SLC44A5: variants seen among roughly 807,000 people sequenced by gnomAD.
SLC44A5 encodes the protein choline transporter-like protein 5.
In SLC44A5, 57 loss-of-function variants were observed where a neutral mutation model predicts 101.8. That is an observed-to-expected ratio of 0.56 (90% CI 0.45 to 0.70). SLC44A5 has a LOEUF of 0.70. Ranked by LOEUF, SLC44A5 falls within the 30% of genes least tolerant of loss-of-function variation. The pLI, the probability that SLC44A5 is intolerant of heterozygous loss-of-function variation, is 0.00. For missense variants in SLC44A5, 737 were observed against 853.1 expected (o/e 0.86, Z 1.70); for synonymous variants, 281 against 290.9 (o/e 0.97, Z 0.35).
chr1:75,325,441 A>G (rs139399806), intron 4 of SLC44A5, among the ~76,000 whole-genome samples: 11 of 152,156 alleles, frequency 7.2e-5, no homozygotes, highest in African/African-American at 2.4e-4. Context: ...AGATTTTTAT[A>G]TATACATATA....
intron 2 of SLC44A5, among the ~76,000 whole-genome samples, chr1:75,470,050 A>T (rs1667022831): frequency 6.6e-6 from 1 of 152,032 alleles, no homozygotes; most frequent in South Asian, 2.1e-4. Flanking sequence ...TTTATCACCA[A>T]CCTTTCTATT....
chr1:75,343,746 T>C (rs1241742281), intron 3 of SLC44A5, among the ~76,000 whole-genome samples: 1 of 152,120 alleles, frequency 6.6e-6, no homozygotes, highest in Admixed American at 6.6e-5. Flanking sequence ...TATACAACAA[T>C]AGCCAGCAGA....
chr1:75,483,595 A>G (rs1667991147), intron 2 of SLC44A5, among the ~76,000 whole-genome samples: 1 of 152,046 alleles, frequency 6.6e-6, no homozygotes, highest in African/African-American at 2.4e-5. Context: ...ATAAGAAATT[A>G]TTCTTTATTT....
At chr1:75,670,576 T>A in the SLC44A5 span, among the ~76,000 whole-genome samples, 1 of 152,206 alleles carries the variant, frequency 6.6e-6, no homozygotes, top group Non-Finnish European at 1.5e-5. Flanking sequence ...TGTAATGGCT[T>A]AAAGTGGAAT....
intron 22 of SLC44A5, among the ~76,000 whole-genome samples, chr1:75,213,036 AC>A (rs1357325538): frequency 1.3e-5 from 2 of 152,240 alleles, no homozygotes; most frequent in Middle Eastern, 3.4e-3. Context: ...GATGCAGCAT[AC>A]AAAGGTCCAG....
At chr1:75,530,680 C>G (rs1183255730) in intron 2 of SLC44A5, among the ~76,000 whole-genome samples, 1 of 152,162 alleles carries the variant, frequency 6.6e-6, no homozygotes, top group East Asian at 1.9e-4. Flanking sequence ...TACCTCCCGA[C>G]TTTACTTTTA....
At chr1:75,441,526 G>GA (rs1665199637) in intron 2 of SLC44A5, among the ~76,000 whole-genome samples, 1 of 151,200 alleles carries the variant, frequency 6.6e-6, no homozygotes, top group Admixed American at 6.6e-5. Context: ...GGCCAAAGGT[G>GA]AAAAAACAGT....
At chr1:75,718,559 G>A in the SLC44A5 span, among the ~76,000 whole-genome samples, 1,201 of 152,254 alleles carry the variant, frequency 7.9e-3, 4 homozygotes, top group Non-Finnish European at 0.013. Context: ...ACACTCTAAC[G>A]GGGATAGCAG....
At chr1:75,637,059 C>G in the SLC44A5 span, among the ~76,000 whole-genome samples, 1 of 151,932 alleles carries the variant, frequency 6.6e-6, no homozygotes, top group Non-Finnish European at 1.5e-5. Context: ...CGAAATATGG[C>G]TAGCATAACT....
At chr1:75,507,319 C>G (rs1466433825) in intron 2 of SLC44A5, among the ~76,000 whole-genome samples, 1 of 152,014 alleles carries the variant, frequency 6.6e-6, no homozygotes, top group Non-Finnish European at 1.5e-5. Flanking sequence ...ATGGTTGTTG[C>G]TTTTATTTCC....
chr1:75,227,035 T>C (rs1271899175), intron 13 of SLC44A5, among the ~76,000 whole-genome samples: 1 of 152,212 alleles, frequency 6.6e-6, no homozygotes, highest in Non-Finnish European at 1.5e-5. Flanking sequence ...TTGTTGCTTG[T>C]TTTTCCTTTT....
the SLC44A5 span, among the ~76,000 whole-genome samples, chr1:75,717,211 C>T: frequency 1.3e-5 from 2 of 151,530 alleles, no homozygotes; most frequent in East Asian, 3.9e-4. Context: ...CGCTGTGGCT[C>T]ATGCCTGTAA....
chr1:75,360,228 C>CA lies in SLC44A5; in HGVS notation c.53-20599dup, dbSNP rs200204762. On this transcript the variant is annotated intron_variant, in intron 3 of 23. Coordinates refer to ENST00000370859, the MANE Select transcript of SLC44A5 (RefSeq NM_001130058.2). ...GTTGGCTATATTTTTGGGTTCATAT[C>CA]AAAAAAATCCATGACCAGACAAGTG... Among the ~76,000 whole-genome samples, 35 of 152,138 alleles carry CA rather than the reference C, an allele frequency of 2.3e-4. No homozygotes were observed. The Middle Eastern group carries it at 0.01, about 44-fold the overall frequency.
chr1:75,540,511 A>C (rs1199445008), intron 2 of SLC44A5, among the ~76,000 whole-genome samples: 1 of 152,218 alleles, frequency 6.6e-6, no homozygotes, highest in African/African-American at 2.4e-5. Flanking sequence ...ATGTATTTGC[A>C]GCCTTGAGGA....
intron 6 of SLC44A5, among the ~76,000 whole-genome samples, chr1:75,262,422 C>A (rs1650601899): frequency 6.6e-6 from 1 of 152,146 alleles, no homozygotes; most frequent in African/African-American, 2.4e-5. Flanking sequence ...ATCCAACTTA[C>A]AAGGGATGTG....
At chr1:75,660,903 C>A in the SLC44A5 span, among the ~76,000 whole-genome samples, 2 of 151,778 alleles carry the variant, frequency 1.3e-5, no homozygotes, top group Admixed American at 1.3e-4. Context: ...AATGTCCATA[C>A]TTTGTAGACC....
Position 75,474,738 on chromosome 1 carries a change from C to A in SLC44A5, c.13+66697G>T, listed in dbSNP as rs145545613. Among the ~76,000 whole-genome samples, 27 of 152,304 alleles carry A rather than the reference C, an allele frequency of 1.8e-4. 1 individual carries two copies. The East Asian group carries it at 5.2e-3, about 29-fold the overall frequency. ...TAGTAAAATTTTATACCCCAAATTTCTCTTATTTCAATACATATTTAATTA... is the reference window on the plus strand; with the variant it reads ...TAGTAAAATTTTATACCCCAAATTTATCTTATTTCAATACATATTTAATTA... On this transcript the variant is annotated intron_variant, in intron 2 of 23. Transcript: ENST00000370859.
intron 4 of SLC44A5, among the ~76,000 whole-genome samples, chr1:75,323,807 G>A (rs891829888): frequency 2.6e-5 from 4 of 152,018 alleles, no homozygotes; most frequent in African/African-American, 9.7e-5. Flanking sequence ...TATCTCTAAA[G>A]TCTTTTTAAA....
At chr1:75,291,402 T>C (rs916468029) in intron 5 of SLC44A5, among the ~76,000 whole-genome samples, 1 of 152,156 alleles carries the variant, frequency 6.6e-6, no homozygotes, top group Non-Finnish European at 1.5e-5. Flanking sequence ...AATATAATGG[T>C]CCTTGCTCTC....
Sources: gnomAD v4.1 joint callset for allele counts (sites outside exome capture counted in the v4.1 genomes callset) on GRCh38, gnomAD v4.1.1 for gene constraint, MANE v1.5 for transcripts, NCBI Gene and HGNC (gene_info 2026-07-23, HGNC 2026-07-21) for gene names.